LNP1: variants seen among roughly 807,000 people sequenced by gnomAD.
LNP1 encodes the protein leukemia NUP98 fusion partner 1.
LNP1 carries 12 observed loss-of-function variants against 14.5 expected under a neutral mutation model. The ratio of observed to expected loss-of-function variants is 0.83; its 90% confidence interval spans 0.53 to 1.34. The LOEUF (loss-of-function observed/expected upper bound fraction) is 1.34. Ranked by LOEUF, LNP1 falls within the 40% of genes most tolerant of loss-of-function variation. The pLI, the probability that LNP1 is intolerant of heterozygous loss-of-function variation, is 0.00. For missense variants in LNP1, 198 were observed against 210.9 expected, an observed-to-expected ratio of 0.94 and a Z score of 0.38; for synonymous variants, 75 against 71.4, an observed-to-expected ratio of 1.05 and a Z score of -0.26.
At chr3:100,408,695 C>T (rs1484294798) in intron 1 of LNP1, among the ~76,000 whole-genome samples, 3 of 152,092 alleles carry the variant, frequency 2.0e-5, no homozygotes, top group Non-Finnish European at 4.4e-5. Flanking sequence ...GGGGGGTCTA[C>T]CCAGTGCTGA....
chr3:100,427,640 G>T (rs2148902943), intron 1 of LNP1, among the ~76,000 whole-genome samples: 2 of 152,236 alleles, frequency 1.3e-5, no homozygotes, highest in East Asian at 1.9e-4. Flanking sequence ...CCCCAGTTTG[G>T]GGATTTGCTA....
At chr3:100,404,488 A>T (rs1259705287) in intron 1 of LNP1, among the ~76,000 whole-genome samples, 1 of 152,252 alleles carries the variant, frequency 6.6e-6, no homozygotes, top group Non-Finnish European at 1.5e-5. Context: ...AAGTAGTATC[A>T]TGTGGCTAAT....
chr3:100,411,737 G>A (rs1707033595), intron 1 of LNP1, among the ~76,000 whole-genome samples: 1 of 152,006 alleles, frequency 6.6e-6, no homozygotes, highest in South Asian at 2.1e-4. Flanking sequence ...ACTCTCTGAT[G>A]TTTCTTCTTA....
chr3:100,403,277 TTAAAG>T (rs1225449509), intron 1 of LNP1, among the ~76,000 whole-genome samples: 4 of 152,238 alleles, frequency 2.6e-5, no homozygotes, highest in African/African-American at 4.8e-5. Context: ...TTTCTAAATT[TTAAAG>T]TAAAGAAGTA....
At chr3:100,413,373 G>T (rs1263841688) in intron 1 of LNP1, among the ~76,000 whole-genome samples, 1 of 152,182 alleles carries the variant, frequency 6.6e-6, no homozygotes, top group Non-Finnish European at 1.5e-5. Context: ...GTCACTTTAT[G>T]ATTCAATCAA....
chr3:100,437,517 A>C (rs1047868382), intron 2 of LNP1, among the ~76,000 whole-genome samples: 1 of 152,204 alleles, frequency 6.6e-6, no homozygotes, highest in Admixed American at 6.5e-5. Flanking sequence ...TGGCTTCCCA[A>C]AAGGATGTAC....
Position 100,430,411 on chromosome 3 carries a change from G to A in LNP1, c.156+526G>A, listed in dbSNP as rs1007367898. 3.9e-5 allele frequency among the ~76,000 whole-genome samples: 6 copies of A among 152,284 alleles called. No homozygotes were observed. The South Asian group carries it at 1.0e-3, about 26-fold the overall frequency. On this transcript the variant is annotated intron_variant, in intron 2 of 3. Coordinates refer to ENST00000383693, the MANE Select transcript of LNP1 (RefSeq NM_001085451.2). Reference sequence around the variant, plus strand: ...GGGAGCTAAAACTCTCCTGCCCTCAGCACTGTTTTGTTACAGCTAGGCAGA... The same window carrying A: ...GGGAGCTAAAACTCTCCTGCCCTCAACACTGTTTTGTTACAGCTAGGCAGA...
At chr3:100,413,145 A>G (rs979383702) in intron 1 of LNP1, among the ~76,000 whole-genome samples, 2 of 152,204 alleles carry the variant, frequency 1.3e-5, no homozygotes, top group African/African-American at 2.4e-5. Flanking sequence ...AGTCCCTAGC[A>G]TGCTGTGGTC....
At chr3:100,410,761 T>C (rs1369936493) in intron 1 of LNP1, among the ~76,000 whole-genome samples, 1 of 152,200 alleles carries the variant, frequency 6.6e-6, no homozygotes, top group Non-Finnish European at 1.5e-5. Flanking sequence ...ACTTAGATTT[T>C]ACAGGATGGG....
intron 2 of LNP1, among the ~76,000 whole-genome samples, chr3:100,444,018 G>T (rs1707366977): frequency 6.6e-6 from 1 of 152,160 alleles, no homozygotes; most frequent in Non-Finnish European, 1.5e-5. Context: ...AAGTTAAAAA[G>T]ATTACTTCAG....
In LNP1 at chr3:100,434,022, T is replaced by C. The variant is rs137988479; in HGVS notation, c.156+4137T>C. Among the ~76,000 whole-genome samples the C allele has an allele frequency of 8.1e-3, 1,235 of 152,354 alleles. 20 individuals carry two copies. Among genetic ancestry groups the C allele is most frequent in the African/African-American group, 0.029 (1,186 of 41,588 alleles). ...TTCCCCCATTCCATAGGTTGTCTGTTCACTCTGATGATAGTTTCTTTTGCT... is the reference window on the plus strand; with the variant it reads ...TTCCCCCATTCCATAGGTTGTCTGTCCACTCTGATGATAGTTTCTTTTGCT... On this transcript the variant is annotated intron_variant, in intron 2 of 3. Transcript: ENST00000383693.
intron 1 of LNP1, among the ~76,000 whole-genome samples, chr3:100,414,767 A>G (rs1490970015): frequency 6.6e-6 from 1 of 152,178 alleles, no homozygotes; most frequent in Non-Finnish European, 1.5e-5. Flanking sequence ...CTACAACTAG[A>G]AGAAACTGAA....
chr3:100,431,547 A>G (rs1419777165), intron 2 of LNP1, among the ~76,000 whole-genome samples: 1 of 152,220 alleles, frequency 6.6e-6, no homozygotes, highest in Non-Finnish European at 1.5e-5. Flanking sequence ...AACAATAAGC[A>G]TAGATCACAA....
Position 100,429,717 on chromosome 3 carries a change from G to C in LNP1, c.-13G>C. ...TTTAGGGACAGGCCTTCAGTATTTG[G>C]CATCACCTTTACATGGAGCACAAAG... On this transcript the variant is annotated 5_prime_UTR_variant, in exon 2 of 4. Transcript: ENST00000383693. 6.2e-7 allele frequency: 1 copy of C among 1,612,036 alleles called. No homozygotes were observed. The highest frequency in any genetic ancestry group is 8.5e-7 in the Non-Finnish European group (1 of 1,178,816).
At chr3:100,432,500 G>A (rs887420479) in intron 2 of LNP1, among the ~76,000 whole-genome samples, 21 of 152,138 alleles carry the variant, frequency 1.4e-4, no homozygotes, top group African/African-American at 4.8e-4. Flanking sequence ...TACAAATTTG[G>A]CAGAAAGAAT....
chr3:100,429,672 T>C, intron 1 of LNP1, 25 bp from the exon 2 acceptor site: 1 of 1,485,654 alleles, frequency 6.7e-7, no homozygotes, highest in African/African-American at 1.4e-5. Context: ...CCCTGTTGGG[T>C]GATATTTCCC....
intron 3 of LNP1, among the ~76,000 whole-genome samples, chr3:100,453,999 G>A (rs1005362353): frequency 2.0e-5 from 3 of 152,036 alleles, no homozygotes; most frequent in African/African-American, 7.3e-5. Context: ...GTCTTTCCTT[G>A]TCTTTCACGA....
Position 100,442,385 on chromosome 3 carries a change from G to A in LNP1, c.157-9334G>A, listed in dbSNP as rs1206931943. ...GCGCACCTGTGACACAGCCTCAGGA[G>A]GTCCCAACAACAAGTGCCTAAGGTG... On this transcript the variant is annotated intron_variant, in intron 2 of 3. Transcript: ENST00000383693. Among the ~76,000 whole-genome samples the A allele has an allele frequency of 2.6e-5, 4 of 152,174 alleles. No individual in the cohort carries two copies. The East Asian group carries it at 5.8e-4, about 22-fold the overall frequency.
chr3:100,415,359 A>G (rs1707072636), intron 1 of LNP1, among the ~76,000 whole-genome samples: 1 of 152,222 alleles, frequency 6.6e-6, no homozygotes, highest in Non-Finnish European at 1.5e-5. Context: ...AAAGAAGTGC[A>G]AATGGAAAAT....
Sources: gnomAD v4.1 joint callset for allele counts (sites outside exome capture counted in the v4.1 genomes callset) on GRCh38, gnomAD v4.1.1 for gene constraint, MANE v1.5 for transcripts, NCBI Gene and HGNC (gene_info 2026-07-23, HGNC 2026-07-21) for gene names.